The following GSE1 variants were observed in gnomAD, a reference collection of about 807,000 sequenced individuals.
The protein encoded by GSE1 is genetic suppressor element 1.
GSE1 carries 32 observed loss-of-function variants against 112.6 expected under a neutral mutation model. The ratio of observed to expected loss-of-function variants is 0.28; its 90% CI spans 0.21 to 0.38. GSE1 has a LOEUF of 0.38. GSE1 is among the 10% of genes least tolerant of loss of function. The probability of loss-of-function intolerance (pLI) is 1.00; values close to 1 mark genes in which losing one functional copy is unlikely to be tolerated. For missense variants in GSE1, 2,348 were observed against 1,699.2 expected (o/e 1.38, Z -6.71); for synonymous variants, 1,115 against 735.6 (o/e 1.52, Z -8.35).
chr16:85,512,077 G>C, intron 2 of GSE1, among the ~76,000 whole-genome samples: 1 of 152,170 alleles, frequency 6.6e-6, no homozygotes, highest in South Asian at 2.1e-4. Context: ...ATGTGTGGGT[G>C]GGAGCAGAGG....
chr16:85,653,810 G>C (rs1367556581), intron 3 of GSE1, among the ~76,000 whole-genome samples: 1 of 152,224 alleles, frequency 6.6e-6, no homozygotes, highest in East Asian at 1.9e-4. Context: ...CTGCGGCCAG[G>C]TGGGCAGCTG....
At chr16:85,323,457 G>T (rs570745195) in intron 1 of GSE1, among the ~76,000 whole-genome samples, 1 of 152,286 alleles carries the variant, frequency 6.6e-6, no homozygotes. Flanking sequence ...TCTGGAAGAA[G>T]GGAGACAGGC....
At chr16:85,620,731 C>T (rs2048677425) in intron 1 of GSE1, among the ~76,000 whole-genome samples, 1 of 152,202 alleles carries the variant, frequency 6.6e-6, no homozygotes, top group South Asian at 2.1e-4. Context: ...TAGATGGTCT[C>T]AGCCTTGGGT....
At chr16:85,482,646 C>T (rs1285335258) in intron 2 of GSE1, among the ~76,000 whole-genome samples, 1 of 152,204 alleles carries the variant, frequency 6.6e-6, no homozygotes, top group Non-Finnish European at 1.5e-5. Context: ...ACAGATCAGG[C>T]ACCCCCGTCT....
At chr16:85,333,327 A>G (rs926255853) in intron 1 of GSE1, among the ~76,000 whole-genome samples, 5 of 152,132 alleles carry the variant, frequency 3.3e-5, no homozygotes, top group African/African-American at 1.2e-4. Flanking sequence ...TGAGAGGGCA[A>G]AATCCCCTCC....
intron 2 of GSE1, among the ~76,000 whole-genome samples, chr16:85,465,912 T>C (rs1261001105): frequency 6.6e-6 from 1 of 152,260 alleles, no homozygotes; most frequent in African/African-American, 2.4e-5. Context: ...TCCCAGCTAT[T>C]CAGTGAGCAC....
chr16:85,204,300 C>T (rs1041801022), intron 1 of GSE1, among the ~76,000 whole-genome samples: 2 of 152,214 alleles, frequency 1.3e-5, no homozygotes, highest in African/African-American at 2.4e-5. Flanking sequence ...CTTCCTATGG[C>T]CGGATAATAC....
intron 1 of GSE1, among the ~76,000 whole-genome samples, chr16:85,322,753 C>T (rs1597389554): frequency 1.3e-5 from 2 of 151,994 alleles, no homozygotes; most frequent in South Asian, 4.2e-4. Context: ...GTAGCTGGGA[C>T]TACAGACGTC....
intron 2 of GSE1, among the ~76,000 whole-genome samples, chr16:85,525,573 G>A (rs2052340246): frequency 6.6e-6 from 1 of 152,218 alleles, no homozygotes. Flanking sequence ...TCCCCCAAAT[G>A]GGGGGTGTCA....
intron 2 of GSE1, among the ~76,000 whole-genome samples, chr16:85,425,517 T>G (rs2151748349): frequency 6.6e-6 from 1 of 152,286 alleles, no homozygotes; most frequent in South Asian, 2.1e-4. Context: ...AAAAAGGGGC[T>G]GGTCTCCTCC....
intron 2 of GSE1, among the ~76,000 whole-genome samples, chr16:85,522,352 T>A (rs538036415): frequency 3.4e-4 from 50 of 148,652 alleles, no homozygotes; most frequent in Non-Finnish European, 6.4e-4. Context: ...GCCCACCCCA[T>A]AGCCCCCTGC....
At chr16:85,665,718 G>A (rs1261646630) in intron 12 of GSE1, among the ~76,000 whole-genome samples, 1 of 152,232 alleles carries the variant, frequency 6.6e-6, no homozygotes, top group Admixed American at 6.5e-5. Context: ...CTGCCTCCGT[G>A]GCTGGGGGAC....
intron 1 of GSE1, among the ~76,000 whole-genome samples, chr16:85,179,533 T>G (rs2143271121): frequency 6.6e-6 from 1 of 152,324 alleles, no homozygotes; most frequent in Middle Eastern, 3.4e-3. Flanking sequence ...TGCTGCGTCC[T>G]AGGGTCACTG....
chr16:85,660,270 G>A (rs1335772701), intron 8 of GSE1, among the ~76,000 whole-genome samples: 4 of 152,324 alleles, frequency 2.6e-5, no homozygotes, highest in Admixed American at 1.3e-4. Flanking sequence ...GGCCTGAGAG[G>A]GTCTCTGCCT....
chr16:85,602,264 C>T (rs1221933806), intron 1 of GSE1, among the ~76,000 whole-genome samples: 4 of 152,118 alleles, frequency 2.6e-5, no homozygotes, highest in East Asian at 1.9e-4. Flanking sequence ...AGGGAGGAGG[C>T]GGGGCGGGAG....
Position 85,674,663 on chromosome 16 carries a change from C to G in GSE1, c.*2124C>G, listed in dbSNP as rs1300688675. On this transcript the variant is annotated 3_prime_UTR_variant, in exon 16 of 16. Transcript: ENST00000253458. ...GCTAAAGTAAAAGGGAAAAGTAGAT[C>G]CGATAACTTAAAAACGTAGCTCATC... The G allele has an allele frequency of 6.6e-6, 1 of 152,218 alleles. No individual in the cohort carries two copies. The highest frequency in any genetic ancestry group is 1.9e-4 in the East Asian group (1 of 5,196). 9.4% of individuals were successfully genotyped at this position (152,218 alleles called of 1,614,324 possible).
At chr16:85,658,758 C>G (rs1249738692) in intron 8 of GSE1, among the ~76,000 whole-genome samples, 1 of 152,204 alleles carries the variant, frequency 6.6e-6, no homozygotes, top group Non-Finnish European at 1.5e-5. Context: ...CAGCTCCTAC[C>G]TGGCATGGCC....
chr16:85,540,160 T>C (rs969608387), intron 2 of GSE1, among the ~76,000 whole-genome samples: 2 of 152,334 alleles, frequency 1.3e-5, no homozygotes, highest in Admixed American at 1.3e-4. Context: ...GTACAGCTCA[T>C]TGTATATGAA....
chr16:85,248,316 C>A (rs1468998953), intron 1 of GSE1, among the ~76,000 whole-genome samples: 3 of 152,142 alleles, frequency 2.0e-5, no homozygotes, highest in African/African-American at 7.2e-5. Flanking sequence ...GATTCTGGGT[C>A]CTTCTGTGTC....
Sources: gnomAD v4.1 joint callset for allele counts (sites outside exome capture counted in the v4.1 genomes callset) on GRCh38, gnomAD v4.1.1 for gene constraint, MANE v1.5 for transcripts, NCBI Gene and HGNC (gene_info 2026-07-23, HGNC 2026-07-21) for gene names.